The following TNKS variants were observed in gnomAD, a reference collection of about 807,000 sequenced individuals.
TNKS encodes tankyrase.
In TNKS, 72 loss-of-function variants were observed where a neutral mutation model predicts 135.8. The observed-to-expected ratio is 0.53, with a 90% CI of 0.44 to 0.64. TNKS has a LOEUF of 0.64. Among genes scored for constraint, TNKS ranks in the 30% least tolerant of loss-of-function variants. The pLI, the probability that TNKS is intolerant of heterozygous loss-of-function variation, is 0.00. For synonymous variants in TNKS, 849 were observed against 649.3 expected, an observed-to-expected ratio of 1.31 and a Z score of -4.68; for missense variants, 1,769 against 1,674.0, an observed-to-expected ratio of 1.06 and a Z score of -0.99.
intron 22 of TNKS, among the ~76,000 whole-genome samples, chr8:9,763,582 C>G (rs1176756148): frequency 2.0e-5 from 3 of 152,152 alleles, no homozygotes; most frequent in Non-Finnish European, 4.4e-5. Context: ...AAACTCTTGC[C>G]TCATAGAGAG....
At chr8:9,678,066 CATTT>C (rs1339062381) in intron 3 of TNKS, among the ~76,000 whole-genome samples, 1 of 152,166 alleles carries the variant, frequency 6.6e-6, no homozygotes, top group Non-Finnish European at 1.5e-5. Flanking sequence ...TTACTGTAAT[CATTT>C]ATTTATTTGT....
At position 9,579,397 on chromosome 8, in the gene TNKS, A is replaced by G. The variant is rs565863147; in HGVS notation, c.674-762A>G. ...TCTCATACCCATACATTCATCCCCAATTTCCCTAATACAATGCTGTGTGTT... is the reference window on the plus strand; with the variant it reads ...TCTCATACCCATACATTCATCCCCAGTTTCCCTAATACAATGCTGTGTGTT... On this transcript the variant is annotated intron_variant, in intron 1 of 26. Transcript: ENST00000310430. 1.2e-4 allele frequency among the ~76,000 whole-genome samples: 18 copies of G among 152,084 alleles called. No individual in the cohort carries two copies. In the East Asian group the frequency reaches 1.7e-3, roughly 15 times the overall value.
chr8:9,684,050 T>A (rs757478515), intron 5 of TNKS, among the ~76,000 whole-genome samples: 10 of 151,974 alleles, frequency 6.6e-5, no homozygotes, highest in Non-Finnish European at 1.5e-4. Context: ...CGTGTTATAA[T>A]GATGACCACT....
intron 5 of TNKS, among the ~76,000 whole-genome samples, chr8:9,697,790 T>TA (rs1487153445): frequency 1.3e-5 from 2 of 152,098 alleles, no homozygotes; most frequent in Non-Finnish European, 2.9e-5. Flanking sequence ...AGACAATAGA[T>TA]ACTGACAAAT....
chr8:9,732,538 C>A (rs1805495912), intron 14 of TNKS, among the ~76,000 whole-genome samples: 1 of 148,696 alleles, frequency 6.7e-6, no homozygotes, highest in African/African-American at 2.5e-5. Flanking sequence ...GCATTTGCTT[C>A]TATTGCTCAT....
At chr8:9,626,787 G>A (rs866428220) in intron 3 of TNKS, among the ~76,000 whole-genome samples, 5 of 152,210 alleles carry the variant, frequency 3.3e-5, no homozygotes, top group Non-Finnish European at 5.9e-5. Flanking sequence ...TCTCCTGTCA[G>A]TGTACTTGCT....
At chr8:9,577,419 T>C (rs1397116814) in intron 1 of TNKS, among the ~76,000 whole-genome samples, 1 of 152,174 alleles carries the variant, frequency 6.6e-6, no homozygotes, top group South Asian at 2.1e-4. Flanking sequence ...AGAAAAGAGA[T>C]TTAACTGACT....
chr8:9,689,552 A>G (rs1351455196), intron 5 of TNKS, among the ~76,000 whole-genome samples: 1 of 152,210 alleles, frequency 6.6e-6, no homozygotes, highest in East Asian at 1.9e-4. Flanking sequence ...TGAATATTAT[A>G]AAAATGCTCC....
intron 5 of TNKS, among the ~76,000 whole-genome samples, chr8:9,698,676 A>G (rs1803646226): frequency 6.6e-6 from 1 of 152,190 alleles, no homozygotes; most frequent in Non-Finnish European, 1.5e-5. Context: ...TGCTTCCTGG[A>G]CTTACGTTGA....
intron 5 of TNKS, among the ~76,000 whole-genome samples, chr8:9,683,961 C>G (rs1255618451): frequency 6.6e-6 from 1 of 151,650 alleles, no homozygotes; most frequent in Non-Finnish European, 1.5e-5. Context: ...TTTTTTTTCC[C>G]TAAAAGCAGA....
intron 3 of TNKS, among the ~76,000 whole-genome samples, chr8:9,623,201 G>A (rs1799929568): frequency 1.3e-5 from 2 of 152,154 alleles, no homozygotes; most frequent in South Asian, 4.1e-4. Flanking sequence ...TTGCTCTCTA[G>A]TCACTAGGGT....
chr8:9,664,267 A>G (rs1330850742), intron 3 of TNKS, among the ~76,000 whole-genome samples: 1 of 152,156 alleles, frequency 6.6e-6, no homozygotes, highest in African/African-American at 2.4e-5. Context: ...ATGTGCAAAG[A>G]CGACATGGCA....
In TNKS at chr8:9,556,286, T is replaced by C. The variant is rs370818016; in HGVS notation, c.347T>C (p.Val116Ala). ...GTTTCTACTTCATCTGCCGCTGGGG[T>C]CGCTCCCAACCCAGCCGGCAGTGGC... ...PAVSTSSAAGVAPNPAGSGSN... is the reference protein window; with the variant it reads ...PAVSTSSAAGAAPNPAGSGSN... The change falls in exon 1 of 27, where the codon GTC becomes GCC. Residue 116 changes from valine to alanine, a missense_variant. By Grantham distance (64) the Val-to-Ala change is moderately conservative. Around this residue, in one of 5 missense-constraint regions of TNKS, gnomAD observed 450 missense variants for 304.9 expected, o/e 1.48. Transcript: ENST00000310430. 2.5e-6 allele frequency: 4 copies of C among 1,614,074 alleles called. No homozygotes were observed. Among genetic ancestry groups the C allele is most frequent in the Non-Finnish European group, 3.4e-6 (4 of 1,180,042 alleles).
chr8:9,555,967 C>T lies in TNKS; in HGVS notation c.28C>T (p.His10Tyr). MAASRRSQHHHHHHQQQLQP... is the reference protein window; with the variant it reads MAASRRSQHYHHHHQQQLQP... The stretch of plus-strand genomic sequence containing the variant: ...GGCGGCGTCGCGTCGCTCTCAGCAT[C>T]ATCACCACCATCATCAACAACAGCT... Residue 10 changes from histidine (H) to tyrosine (Y), a missense_variant, in exon 1 of 27, where the codon CAT (histidine) becomes TAT (tyrosine). Around this residue, in one of 5 missense-constraint regions of TNKS, gnomAD observed 450 missense variants for 304.9 expected, o/e 1.48. Coordinates refer to ENST00000310430, the MANE Select transcript of TNKS (RefSeq NM_003747.3). 6.2e-7 allele frequency: 1 copy of T among 1,613,346 alleles called. No individual in the cohort carries two copies. The highest frequency in any genetic ancestry group is 2.2e-5 in the East Asian group (1 of 44,860).
chr8:9,701,109 A>G (rs1356757411), intron 5 of TNKS, among the ~76,000 whole-genome samples: 2 of 151,686 alleles, frequency 1.3e-5, no homozygotes, highest in Non-Finnish European at 2.9e-5. Context: ...AATTTTTTGT[A>G]TTTTTAGTAG....
At chr8:9,562,742 T>C (rs1032731151) in intron 1 of TNKS, among the ~76,000 whole-genome samples, 4 of 152,140 alleles carry the variant, frequency 2.6e-5, no homozygotes, top group Admixed American at 2.6e-4. Context: ...ACCTAAACTT[T>C]TATTTTTCAA....
In TNKS at chr8:9,625,629, G is replaced by C. The variant is rs113244805; in HGVS notation, c.994+9952G>C. Among the ~76,000 whole-genome samples the C allele has an allele frequency of 2.4e-3, 359 of 151,928 alleles. 1 individual carries two copies. Among genetic ancestry groups the C allele is most frequent in the African/African-American group, 8.0e-3 (333 of 41,426 alleles). ...TTTTGTATGTTTTTAAATTTCTCTT[G>C]AGATTTCGTCTTTAACCCACAGACT... On this transcript the variant is annotated intron_variant, in intron 3 of 26. Transcript: ENST00000310430.
In TNKS at chr8:9,561,651, G is replaced by A. The variant is rs139188047; in HGVS notation, c.673+5039G>A. Among the ~76,000 whole-genome samples the A allele has an allele frequency of 1.1e-3, 171 of 152,154 alleles. 2 individuals carry two copies. The highest frequency in any genetic ancestry group is 4.3e-3 in the Admixed American group (65 of 15,284). On this transcript the variant is annotated intron_variant, in intron 1 of 26. Coordinates refer to ENST00000310430, the MANE Select transcript of TNKS (RefSeq NM_003747.3). ...TGTTTTGGCTATTATGAATAAAGTC[G>A]CAATGAACATTCTTATAAAATCCTT...
intron 20 of TNKS, among the ~76,000 whole-genome samples, chr8:9,753,745 A>G (rs781096618): frequency 6.6e-6 from 1 of 152,176 alleles, no homozygotes; most frequent in Non-Finnish European, 1.5e-5. Context: ...GCCAAGGAAG[A>G]TATCTTGTTA....
Sources: allele counts gnomAD v4.1 joint callset (sites outside exome capture counted in the v4.1 genomes callset), GRCh38; gene constraint gnomAD v4.1.1; regional missense constraint gnomAD v4.1.1; transcripts MANE v1.5; gene names NCBI Gene and HGNC (gene_info 2026-07-23, HGNC 2026-07-21).